The following FHIT variants were observed in gnomAD, a reference collection of about 807,000 sequenced individuals.
FHIT encodes fragile histidine triad diadenosine triphosphatase, also known as bis(5'-adenosyl)-triphosphatase.
A neutral mutation model predicts 17.9 loss-of-function variants in FHIT; 19 were observed. The ratio of observed to expected loss-of-function variants is 1.06; its 90% CI spans 0.74 to 1.56. FHIT has a LOEUF of 1.56. Among genes scored for constraint, FHIT ranks in the 40% most tolerant of loss-of-function variants. FHIT has a pLI of 0.00. For missense variants in FHIT, 248 were observed against 189.2 expected (o/e 1.31, Z -1.82); for synonymous variants, 81 against 69.7 (o/e 1.16, Z -0.81).
At chr3:60,674,034 G>A (rs2040567497) in intron 4 of FHIT, among the ~76,000 whole-genome samples, 3 of 140,072 alleles carry the variant, frequency 2.1e-5, no homozygotes, top group South Asian at 2.5e-4. Flanking sequence ...ACCTCAAATT[G>A]TACAAATGTT....
chr3:60,077,549 C>G (rs1703068104), intron 5 of FHIT: 1 of 151,306 alleles, frequency 6.6e-6, no homozygotes, highest in African/African-American at 2.4e-5. Flanking sequence ...AAAGAAAAAC[C>G]AAAATTGTGG....
intron 2 of FHIT, among the ~76,000 whole-genome samples, chr3:61,118,212 G>A (rs942048601): frequency 2.6e-5 from 4 of 152,070 alleles, no homozygotes; most frequent in African/African-American, 7.2e-5. Flanking sequence ...TCATTAAGTC[G>A]CTGAAAGGCC....
At chr3:60,888,484 T>A (rs1276280574) in intron 3 of FHIT, among the ~76,000 whole-genome samples, 30 of 151,950 alleles carry the variant, frequency 2.0e-4, no homozygotes. Flanking sequence ...TGAAGATCCC[T>A]TTTAAATTTT....
chr3:60,811,210 G>A (rs1170912348), intron 4 of FHIT, among the ~76,000 whole-genome samples: 1 of 152,162 alleles, frequency 6.6e-6, no homozygotes, highest in Non-Finnish European at 1.5e-5. Flanking sequence ...ACTGTCCTGA[G>A]ATTTCTACCA....
At chr3:60,506,434 A>G (rs750513406) in intron 5 of FHIT, among the ~76,000 whole-genome samples, 2 of 152,222 alleles carry the variant, frequency 1.3e-5, no homozygotes, top group Non-Finnish European at 2.9e-5. Flanking sequence ...TAGAGTCAGT[A>G]CACAAGGCAG....
At chr3:59,906,869 A>G (rs1255645760) in intron 8 of FHIT, among the ~76,000 whole-genome samples, 1 of 152,152 alleles carries the variant, frequency 6.6e-6, no homozygotes, top group Non-Finnish European at 1.5e-5. Context: ...GTGTGTTTTC[A>G]TTTTATCTCC....
intron 2 of FHIT, among the ~76,000 whole-genome samples, chr3:61,064,564 A>C (rs924818654): frequency 1.3e-5 from 2 of 152,176 alleles, no homozygotes; most frequent in Non-Finnish European, 2.9e-5. Context: ...GAAGGATCTC[A>C]CTTTCAACCT....
intron 3 of FHIT, among the ~76,000 whole-genome samples, chr3:61,024,676 C>T (rs2032638888): frequency 1.3e-5 from 2 of 152,026 alleles, no homozygotes; most frequent in South Asian, 4.1e-4. Context: ...AATACTGTAA[C>T]AAAACTGTAA....
intron 7 of FHIT, among the ~76,000 whole-genome samples, chr3:59,933,510 T>C (rs1423331596): frequency 6.6e-6 from 1 of 152,136 alleles, no homozygotes; most frequent in Non-Finnish European, 1.5e-5. Context: ...TTACTGGAAT[T>C]AAATAAATTG....
chr3:61,043,532 G>A (rs1231594611), intron 2 of FHIT, among the ~76,000 whole-genome samples: 2 of 152,184 alleles, frequency 1.3e-5, no homozygotes, highest in Admixed American at 1.3e-4. Flanking sequence ...GCCTGCCTCT[G>A]TAGTCTCCAC....
At chr3:59,877,808 C>T (rs1703231905) in intron 8 of FHIT, among the ~76,000 whole-genome samples, 2 of 152,122 alleles carry the variant, frequency 1.3e-5, no homozygotes, top group Admixed American at 6.5e-5. Context: ...ATGACAAATT[C>T]AAATTGGTAT....
chr3:60,607,574 T>C (rs2038647074), intron 4 of FHIT, among the ~76,000 whole-genome samples: 1 of 152,068 alleles, frequency 6.6e-6, no homozygotes, highest in East Asian at 1.9e-4. Context: ...TGAACATTCA[T>C]TGTGTACTGA....
At chr3:59,824,194 T>C (rs1700895872) in intron 8 of FHIT, among the ~76,000 whole-genome samples, 1 of 152,034 alleles carries the variant, frequency 6.6e-6, no homozygotes, top group African/African-American at 2.4e-5. Flanking sequence ...ACTCTTAGAC[T>C]TTCTCTATCC....
intron 5 of FHIT, among the ~76,000 whole-genome samples, chr3:60,419,422 T>C (rs1425264139): frequency 6.6e-6 from 1 of 152,210 alleles, no homozygotes; most frequent in African/African-American, 2.4e-5. Context: ...AGTTGGCACT[T>C]TCTGTGTCTC....
chr3:60,009,398 T>C (rs953696324), intron 7 of FHIT, among the ~76,000 whole-genome samples: 1 of 152,176 alleles, frequency 6.6e-6, no homozygotes, highest in Non-Finnish European at 1.5e-5. Context: ...CAACTTAAGC[T>C]AAATAATCAG....
At chr3:60,240,253 T>C (rs1484700448) in intron 5 of FHIT, among the ~76,000 whole-genome samples, 2 of 152,100 alleles carry the variant, frequency 1.3e-5, no homozygotes, top group Non-Finnish European at 2.9e-5. Flanking sequence ...ATCAGAGCAT[T>C]AGTAGGAGAG....
At chr3:59,766,251 G>C (rs293605) in intron 8 of FHIT, among the ~76,000 whole-genome samples, 120,957 of 152,174 alleles carry the variant, frequency 0.79, 49,352 homozygotes, top group East Asian at 1. Flanking sequence ...GGAAAACAAA[G>C]AGAAATGATC....
At chr3:60,384,776 A>G (rs1015218484) in intron 5 of FHIT, among the ~76,000 whole-genome samples, 6 of 152,064 alleles carry the variant, frequency 3.9e-5, no homozygotes, top group African/African-American at 1.4e-4. Context: ...ATACACTACA[A>G]AACTTTATCA....
intron 5 of FHIT, among the ~76,000 whole-genome samples, chr3:60,186,014 T>C (rs528149556): frequency 1.3e-5 from 2 of 152,338 alleles, no homozygotes; most frequent in South Asian, 2.1e-4. Flanking sequence ...TTTCTTACTG[T>C]TGAGTTGTAA....
Sources: gnomAD v4.1 joint callset for allele counts (sites outside exome capture counted in the v4.1 genomes callset) on GRCh38, gnomAD v4.1.1 for gene constraint, MANE v1.5 for transcripts, NCBI Gene and HGNC (gene_info 2026-07-23, HGNC 2026-07-21) for gene names.